KIAA1217: variants seen among roughly 807,000 people sequenced by gnomAD.
The protein encoded by KIAA1217 is sickle tail protein homolog.
In KIAA1217, 88 loss-of-function variants were observed where a neutral mutation model predicts 163.9. The observed-to-expected ratio is 0.54, with a 90% CI of 0.45 to 0.64. The LOEUF is 0.64. Ranked by LOEUF, KIAA1217 falls within the 30% of genes least tolerant of loss-of-function variation. The pLI, the probability that KIAA1217 is intolerant of heterozygous loss-of-function variation, is 0.00. For synonymous variants in KIAA1217, 903 were observed against 923.1 expected, an observed-to-expected ratio of 0.98 and a Z score of 0.39; for missense variants, 2,372 against 2,475.0, an observed-to-expected ratio of 0.96 and a Z score of 0.88.
intron 1 of KIAA1217, among the ~76,000 whole-genome samples, chr10:23,830,405 C>T (rs185674343): frequency 3.9e-5 from 6 of 152,188 alleles, no homozygotes; most frequent in East Asian, 1.9e-4. Flanking sequence ...AAAAGACGAC[C>T]GTGTCCAGGG....
At chr10:23,875,089 T>C (rs1025735586) in intron 1 of KIAA1217, among the ~76,000 whole-genome samples, 1 of 151,996 alleles carries the variant, frequency 6.6e-6, no homozygotes, top group Non-Finnish European at 1.5e-5. Context: ...AAGAACTCAC[T>C]CATTACTGCA....
At chr10:23,941,639 A>T (rs1008959010) in intron 1 of KIAA1217, among the ~76,000 whole-genome samples, 1 of 152,170 alleles carries the variant, frequency 6.6e-6, no homozygotes, top group South Asian at 2.1e-4. Context: ...ATATTTGCAT[A>T]AAAAATCCCC....
intron 2 of KIAA1217, among the ~76,000 whole-genome samples, chr10:24,192,335 C>A (rs983515710): frequency 6.6e-6 from 1 of 152,168 alleles, no homozygotes; most frequent in Non-Finnish European, 1.5e-5. Context: ...GGGCATCTCT[C>A]ACATTAGGGT....
chr10:24,528,304 T>C (rs2072517569), intron 14 of KIAA1217, among the ~76,000 whole-genome samples, 185 bp downstream of exon 14: 2 of 128,120 alleles, frequency 1.6e-5, no homozygotes, highest in Non-Finnish European at 3.5e-5. Flanking sequence ...TATCTCTCTC[T>C]TTTTGTTTTT....
chr10:23,834,029 A>G (rs1225176388), intron 1 of KIAA1217, among the ~76,000 whole-genome samples: 2 of 152,164 alleles, frequency 1.3e-5, no homozygotes, highest in East Asian at 3.8e-4. Flanking sequence ...TTCATAAAAT[A>G]AATTAAATTC....
intron 1 of KIAA1217, among the ~76,000 whole-genome samples, chr10:23,946,182 C>T (rs1228523079): frequency 6.6e-6 from 1 of 150,766 alleles, no homozygotes; most frequent in Non-Finnish European, 1.5e-5. Context: ...GGCTCACTTT[C>T]TTCTGGCAGC....
At chr10:24,133,743 C>T (rs1325346054) in intron 2 of KIAA1217, among the ~76,000 whole-genome samples, 1 of 152,152 alleles carries the variant, frequency 6.6e-6, no homozygotes, top group Non-Finnish European at 1.5e-5. Flanking sequence ...TGCCTGTGGG[C>T]AGCCATGGCT....
intron 1 of KIAA1217, among the ~76,000 whole-genome samples, chr10:23,795,729 CA>C (rs1564428584): frequency 6.6e-6 from 1 of 152,118 alleles, no homozygotes; most frequent in African/African-American, 2.4e-5. Context: ...GGAAGAAATG[CA>C]AAACAAAGAG....
At chr10:24,259,825 T>G (rs547292077) in intron 2 of KIAA1217, among the ~76,000 whole-genome samples, 2 of 152,284 alleles carry the variant, frequency 1.3e-5, no homozygotes, top group African/African-American at 4.8e-5. Flanking sequence ...AAGGGATGGA[T>G]GGCAAAGTAA....
In KIAA1217 at chr10:24,012,396, C is replaced by G. The variant is rs547214427; in HGVS notation, c.-171+5022C>G. Among the ~76,000 whole-genome samples the G allele has an allele frequency of 2.0e-5, 3 of 152,270 alleles. No homozygotes were observed. In the South Asian group the frequency reaches 6.2e-4, roughly 32 times the overall value. ...TAAGCCCATCCTCACTAGCCACAGC[C>G]TGGGGCTTCCTTGATCCTGCTAAAA... On this transcript the variant is annotated intron_variant, in intron 2 of 18. Coordinates refer to the KIAA1217 transcript ENST00000376462.
chr10:24,071,555 A>C (rs1042124939), intron 2 of KIAA1217, among the ~76,000 whole-genome samples: 1 of 152,216 alleles, frequency 6.6e-6, no homozygotes, highest in Non-Finnish European at 1.5e-5. Context: ...ACTATGTTTA[A>C]TGATTTCTCA....
intron 2 of KIAA1217, among the ~76,000 whole-genome samples, chr10:24,294,203 A>AAAAAG (rs2079440299): frequency 6.6e-6 from 1 of 151,166 alleles, no homozygotes; most frequent in Non-Finnish European, 1.5e-5. Flanking sequence ...AAAAAAAAAA[A>AAAAAG]AAAAAAAAAA....
At chr10:23,737,045 G>A (rs939580984) in intron 1 of KIAA1217, among the ~76,000 whole-genome samples, 10 of 152,124 alleles carry the variant, frequency 6.6e-5, no homozygotes, top group Admixed American at 3.3e-4. Flanking sequence ...GTTCTGACCC[G>A]TGAACATGGT....
intron 1 of KIAA1217, among the ~76,000 whole-genome samples, chr10:23,852,510 T>G (rs866006403): frequency 6.6e-6 from 1 of 152,298 alleles, no homozygotes; most frequent in Middle Eastern, 3.4e-3. Flanking sequence ...TCTTTTTTGG[T>G]TCCATATGAA....
chr10:23,923,209 C>G (rs1842911322), intron 1 of KIAA1217, among the ~76,000 whole-genome samples: 1 of 152,164 alleles, frequency 6.6e-6, no homozygotes, highest in Non-Finnish European at 1.5e-5. Flanking sequence ...GTTTCCATTC[C>G]TGAGTTACTT....
intron 3 of KIAA1217, among the ~76,000 whole-genome samples, chr10:24,392,790 G>A (rs2055158005): frequency 1.3e-5 from 2 of 152,322 alleles, no homozygotes; most frequent in South Asian, 4.1e-4. Flanking sequence ...CAAGAGATGA[G>A]ACATTAGGAA....
intron 2 of KIAA1217, among the ~76,000 whole-genome samples, chr10:24,234,002 C>G (rs2071822750): frequency 6.6e-6 from 1 of 152,264 alleles, no homozygotes; most frequent in South Asian, 2.1e-4. Context: ...TGTTTAGTGT[C>G]TGTTAACTTT....
Position 24,503,637 on chromosome 10 carries a change from T to A in KIAA1217, c.2001+2092T>A, listed in dbSNP as rs144310026. Among the ~76,000 whole-genome samples, 76 of 152,340 alleles carry A rather than the reference T, an allele frequency of 5.0e-4. 2 individuals are homozygous for A. The East Asian group carries it at 9.3e-3, about 19-fold the overall frequency. ...GATGTTTCAATATTTCAAGCAAATC[T>A]GGAGACACAGGTTTTATATGAATTA... On this transcript the variant is annotated intron_variant, in intron 9 of 20. Transcript: ENST00000376454.
intron 2 of KIAA1217, among the ~76,000 whole-genome samples, chr10:24,325,320 C>G (rs925950020): frequency 6.6e-6 from 1 of 152,210 alleles, no homozygotes; most frequent in Admixed American, 6.5e-5. Context: ...CAGTTCAATG[C>G]TCTGCAGGCG....
Sources: allele counts gnomAD v4.1 joint callset (sites outside exome capture counted in the v4.1 genomes callset), GRCh38; gene constraint gnomAD v4.1.1; transcripts MANE v1.5; gene names NCBI Gene and HGNC (gene_info 2026-07-23, HGNC 2026-07-21).